The following PLCB1 variants were observed in gnomAD, a reference collection of about 807,000 sequenced individuals.
The protein encoded by PLCB1 is 1-phosphatidylinositol 4,5-bisphosphate phosphodiesterase beta-1.
Under a neutral mutation model 161.8 loss-of-function variants are expected in PLCB1, and 46 were observed. The observed-to-expected ratio is 0.28, with a 90% CI of 0.22 to 0.36. The LOEUF (loss-of-function observed/expected upper bound fraction) is 0.36, where lower values mean the gene tolerates loss of function less well. PLCB1 is among the 10% of genes least tolerant of loss of function. The pLI, the probability that PLCB1 is intolerant of heterozygous loss-of-function variation, is 1.00. For synonymous variants in PLCB1, 517 were observed against 503.7 expected (o/e 1.03, Z -0.35); for missense variants, 1,016 against 1,472.5 (o/e 0.69, Z 5.07).
chr20:8,412,956 C>CAAA (rs200920138), intron 3 of PLCB1, among the ~76,000 whole-genome samples: 1 of 100,842 alleles, frequency 9.9e-6, no homozygotes, highest in Non-Finnish European at 2.2e-5. Flanking sequence ...CATCTGTGAC[C>CAAA]AAAAAAAAAA....
chr20:8,675,364 A>T (rs958069744), intron 9 of PLCB1, among the ~76,000 whole-genome samples: 4 of 152,186 alleles, frequency 2.6e-5, no homozygotes, highest in Admixed American at 6.5e-5. Flanking sequence ...TCTACCTGGG[A>T]GAAGATATAG....
chr20:8,552,759 G>T (rs1020769937), intron 3 of PLCB1, among the ~76,000 whole-genome samples: 4 of 151,968 alleles, frequency 2.6e-5, no homozygotes, highest in Non-Finnish European at 2.9e-5. Context: ...TAAATTCTAG[G>T]CCCCATGCTG....
At chr20:8,452,889 A>G (rs143136287) in intron 3 of PLCB1, among the ~76,000 whole-genome samples, 228 of 152,346 alleles carry the variant, frequency 1.5e-3, no homozygotes, top group African/African-American at 5.3e-3. Context: ...TGGCATTATA[A>G]TGATTCATCA....
At chr20:8,658,188 G>A (rs973258387) in intron 8 of PLCB1, among the ~76,000 whole-genome samples, 4 of 152,144 alleles carry the variant, frequency 2.6e-5, no homozygotes, top group African/African-American at 9.7e-5. Flanking sequence ...TATGGAGTTG[G>A]ATGATTAAAT....
At chr20:8,746,319 C>CT (rs932784491) in intron 23 of PLCB1, among the ~76,000 whole-genome samples, 1 of 151,978 alleles carries the variant, frequency 6.6e-6, no homozygotes, top group Non-Finnish European at 1.5e-5. Flanking sequence ...TATCATAACA[C>CT]TTTTTTTCTA....
chr20:8,824,478 G>A (rs1333031866), intron 31 of PLCB1, among the ~76,000 whole-genome samples: 3 of 152,110 alleles, frequency 2.0e-5, no homozygotes, highest in Non-Finnish European at 4.4e-5. Context: ...CATATTTTGT[G>A]GCAGGAGAAA....
intron 3 of PLCB1, among the ~76,000 whole-genome samples, chr20:8,378,281 G>T (rs1474371186): frequency 6.6e-6 from 1 of 152,176 alleles, no homozygotes; most frequent in African/African-American, 2.4e-5. Flanking sequence ...GTATGACTCT[G>T]TTCTTATATG....
chr20:8,522,069 T>G (rs1280945428), intron 3 of PLCB1, among the ~76,000 whole-genome samples: 1 of 152,200 alleles, frequency 6.6e-6, no homozygotes, highest in Admixed American at 6.5e-5. Context: ...AAGAGTCACC[T>G]TCTCCTGTGA....
intron 3 of PLCB1, among the ~76,000 whole-genome samples, chr20:8,527,400 A>G (rs918642775): frequency 6.6e-6 from 1 of 152,098 alleles, no homozygotes; most frequent in African/African-American, 2.4e-5. Context: ...AAATAAATAA[A>G]CAGCATGGAT....
At chr20:8,733,822 T>TAATAATAAA (rs1980421681) in intron 19 of PLCB1, among the ~76,000 whole-genome samples, 2 of 136,784 alleles carry the variant, frequency 1.5e-5, no homozygotes, top group African/African-American at 5.7e-5. Flanking sequence ...ATAATAATAA[T>TAATAATAAA]AATAAAAGTT....
intron 2 of PLCB1, among the ~76,000 whole-genome samples, chr20:8,156,529 T>A (rs2123042660): frequency 6.6e-6 from 1 of 152,356 alleles, no homozygotes; most frequent in South Asian, 2.1e-4. Flanking sequence ...TTTAAAATGA[T>A]TCCTTGGTTA....
intron 2 of PLCB1, among the ~76,000 whole-genome samples, chr20:8,168,757 T>G (rs2051702307): frequency 6.6e-6 from 1 of 152,084 alleles, no homozygotes; most frequent in Admixed American, 6.6e-5. Flanking sequence ...AGTCTTTTTT[T>G]TTTTTCCCTT....
At chr20:8,192,377 G>T (rs903922115) in intron 2 of PLCB1, among the ~76,000 whole-genome samples, 3 of 152,094 alleles carry the variant, frequency 2.0e-5, no homozygotes, top group Non-Finnish European at 4.4e-5. Flanking sequence ...CTGCTAAAAG[G>T]TGGGACTAAG....
At chr20:8,378,037 A>C (rs1418993857) in intron 3 of PLCB1, among the ~76,000 whole-genome samples, 3 of 152,198 alleles carry the variant, frequency 2.0e-5, no homozygotes, top group Non-Finnish European at 4.4e-5. Flanking sequence ...AGGAAACAGC[A>C]AAAGAGACTG....
At chr20:8,169,449 A>AAC (rs1229794336) in intron 2 of PLCB1, among the ~76,000 whole-genome samples, 3 of 152,198 alleles carry the variant, frequency 2.0e-5, no homozygotes, top group African/African-American at 7.2e-5. Context: ...CACTTGGCAC[A>AAC]ACACACATGC....
chr20:8,198,609 A>T (rs1293575520), intron 2 of PLCB1, among the ~76,000 whole-genome samples: 1 of 152,036 alleles, frequency 6.6e-6, no homozygotes, highest in African/African-American at 2.4e-5. Flanking sequence ...TGTAAACTCC[A>T]GCCATCAAGG....
chr20:8,516,736 A>C (rs1318888042), intron 3 of PLCB1, among the ~76,000 whole-genome samples: 1 of 136,182 alleles, frequency 7.3e-6, no homozygotes, highest in African/African-American at 2.7e-5. Context: ...GCTATATACT[A>C]CTAGTCAGTC....
intron 3 of PLCB1, among the ~76,000 whole-genome samples, chr20:8,580,760 G>T (rs1026211394): frequency 1.3e-5 from 2 of 152,218 alleles, no homozygotes; most frequent in Admixed American, 1.3e-4. Flanking sequence ...AAATGATTGA[G>T]CTATGGTGAG....
intron 31 of PLCB1, among the ~76,000 whole-genome samples, chr20:8,809,672 T>A (rs951652654): frequency 6.6e-6 from 1 of 152,078 alleles, no homozygotes; most frequent in Non-Finnish European, 1.5e-5. Flanking sequence ...TTTCCATGGT[T>A]GAAACATTAT....
Sources: gnomAD v4.1 joint callset for allele counts (sites outside exome capture counted in the v4.1 genomes callset) on GRCh38, gnomAD v4.1.1 for gene constraint, MANE v1.5 for transcripts, NCBI Gene and HGNC (gene_info 2026-07-23, HGNC 2026-07-21) for gene names.